GOLGA8A: variants seen among roughly 807,000 people sequenced by gnomAD.
The protein encoded by GOLGA8A is golgin subfamily A member 8A.
In GOLGA8A, 3 loss-of-function variants were observed where a neutral mutation model predicts 22.1. That is an observed-to-expected ratio of 0.14 (90% CI 0.06 to 0.35). The LOEUF (loss-of-function observed/expected upper bound fraction) is 0.35. Among genes scored for constraint, GOLGA8A ranks in the 10% least tolerant of loss-of-function variants. The pLI is 1.00. For missense variants in GOLGA8A, 16 were observed against 233.2 expected (o/e 0.07, Z 6.07); for synonymous variants, 7 against 91.7 (o/e 0.08, Z 5.28).
At chr15:34,427,239 G>C (rs918824906) in intron 2 of GOLGA8A, among the ~76,000 whole-genome samples, 3 of 144,936 alleles carry the variant, frequency 2.1e-5, no homozygotes, top group Non-Finnish European at 4.5e-5. Flanking sequence ...GCTGAGGAAG[G>C]AGAATGGCGT....
rs75980964 is a variant in GOLGA8A, at chr15:34,429,642, T to C, written c.-1123+5741A>G. On this transcript the variant is annotated intron_variant, in intron 2 of 24. Transcript: ENST00000359187. ...TCTCCAGCAACCCCTTCCATGCCCT[T>C]CCTCCTGATCCCACCCAGCTCTAAA... Among the ~76,000 whole-genome samples the C allele has an allele frequency of 3.9e-3, 577 of 148,386 alleles. 13 individuals carry two copies. The highest frequency in any genetic ancestry group is 0.014 in the Middle Eastern group (4 of 288).
rs150654384 is a variant in GOLGA8A, at chr15:34,425,098, A to T, written c.-1123+10285T>A. Among the ~76,000 whole-genome samples, 167 of 142,204 alleles carry T rather than the reference A, an allele frequency of 1.2e-3. 12 individuals carry two copies. The highest frequency in any genetic ancestry group is 4.1e-3 in the African/African-American group (161 of 39,484). The allele number at this position is 142,204 out of a possible 152,430, so 93.3% of individuals were successfully genotyped here. On this transcript the variant is annotated intron_variant, in intron 2 of 24. Transcript: ENST00000359187. ...TAAGACAGTCTCAAAAAATAAATAA[A>T]ATAAATAAAATAAGGCTTATCTATT... is the stretch of plus-strand genomic sequence containing the variant.
intron 2 of GOLGA8A, among the ~76,000 whole-genome samples, chr15:34,429,972 G>A (rs1893156918): frequency 6.8e-6 from 1 of 148,038 alleles, no homozygotes; most frequent in South Asian, 2.2e-4. Flanking sequence ...TTGCCAAAGT[G>A]AGGAGTGGGA....
At chr15:34,400,929 G>GTTT (rs372533500) in intron 5 of GOLGA8A, among the ~76,000 whole-genome samples, 170 bp from the exon 6 acceptor site, 1 of 81,680 alleles carries the variant, frequency 1.2e-5, no homozygotes. Flanking sequence ...TTTTATGTCT[G>GTTT]TTTTTTTCAT....
rs1193918765 is a variant in GOLGA8A at position 34,429,171 on chromosome 15, G to A, written c.-1123+6212C>T. Among the ~76,000 whole-genome samples the A allele has an allele frequency of 6.8e-5, 10 of 147,318 alleles. 1 individual carries two copies. The highest frequency in any genetic ancestry group is 1.0e-4 in the African/African-American group (4 of 39,804). On this transcript the variant is annotated intron_variant, in intron 2 of 24. Transcript: ENST00000359187. ...CACCTCTCAACACGCCCCTGACCGCGTCTTCCTCCCATGCTCTGAACTGTC... is the reference window on the plus strand; with the variant it reads ...CACCTCTCAACACGCCCCTGACCGCATCTTCCTCCCATGCTCTGAACTGTC...
chr15:34,430,698 C>A (rs1893188121), intron 2 of GOLGA8A, among the ~76,000 whole-genome samples: 1 of 149,684 alleles, frequency 6.7e-6, no homozygotes, highest in Admixed American at 6.7e-5. Context: ...ACTGCACTGA[C>A]TGCGTGCTTT....
At chr15:34,423,478 A>C (rs1892861947) in intron 2 of GOLGA8A, among the ~76,000 whole-genome samples, 2 of 146,728 alleles carry the variant, frequency 1.4e-5, no homozygotes, top group African/African-American at 2.5e-5. Context: ...GATGGAAACT[A>C]GTGTAAAAAG....
chr15:34,404,786 CAT>C (rs1300478051), intron 5 of GOLGA8A, 129 bp downstream of exon 5: 1 of 163,020 alleles, frequency 6.1e-6, no homozygotes, highest in African/African-American at 2.6e-5. Context: ...AACCAATAAA[CAT>C]GTGACTGAAT....
chr15:34,420,580 T>A (rs1362867983), intron 2 of GOLGA8A, among the ~76,000 whole-genome samples: 2 of 131,300 alleles, frequency 1.5e-5, no homozygotes, highest in Non-Finnish European at 1.6e-5. Context: ...AATAGTAAAA[T>A]TTTTAACAGA....
In GOLGA8A at chr15:34,386,574, C is replaced by T. The variant is rs368023763; in HGVS notation, c.285+51G>A. On this transcript the variant is annotated intron_variant, in intron 12 of 24. Coordinates refer to ENST00000359187, the MANE Select transcript of GOLGA8A (RefSeq NM_181077.5). ...CTTCTTCAGGGCCCCAAGAGGAAAC[C>T]GGAGCCCAGGATTGGCAGCGTGGAA... 4.1e-5 allele frequency: 57 copies of T among 1,384,450 alleles called. 5 individuals are homozygous for T. The African/African-American group carries it at 5.1e-4, about 12-fold the overall frequency. The allele number at this position is 1,384,450 out of a possible 1,614,324, so 85.8% of individuals were successfully genotyped here. A position where few individuals can be genotyped will look rare whatever the true frequency, so the allele number is the denominator to read the frequency against.
chr15:34,381,296 A>G lies in GOLGA8A; in HGVS notation c.*115T>C. Reference sequence around the variant, plus strand: ...TAAACTATAAATTAGAAACACAAATAATCATGAGTAGCTCTAACATTCAAA... The same window carrying G: ...TAAACTATAAATTAGAAACACAAATGATCATGAGTAGCTCTAACATTCAAA... On this transcript the variant is annotated 3_prime_UTR_variant, in exon 25 of 25. Transcript: ENST00000359187. 1 of 1,034,702 alleles carries G rather than the reference A, an allele frequency of 9.7e-7. No homozygotes were observed. The highest frequency in any genetic ancestry group is 2.6e-5 in the East Asian group (1 of 38,774). 64.1% of individuals were successfully genotyped at this position (1,034,702 alleles called of 1,614,324 possible).
Position 34,381,291 on chromosome 15 carries a change from C to T in GOLGA8A, c.*120G>A, listed in dbSNP as rs1891476819. 2 of 1,063,770 alleles carry T rather than the reference C, an allele frequency of 1.9e-6. No individual in the cohort carries two copies. Among genetic ancestry groups the T allele is most frequent in the Non-Finnish European group, 2.8e-6 (2 of 717,004 alleles). 65.9% of individuals were successfully genotyped at this position (1,063,770 alleles called of 1,614,324 possible). On this transcript the variant is annotated 3_prime_UTR_variant, in exon 25 of 25. Coordinates refer to ENST00000359187, the MANE Select transcript of GOLGA8A (RefSeq NM_181077.5). ...AAACTTAAACTATAAATTAGAAACA[C>T]AAATAATCATGAGTAGCTCTAACAT...
At chr15:34,424,591 C>A (rs1435908756) in intron 2 of GOLGA8A, among the ~76,000 whole-genome samples, 1 of 137,736 alleles carries the variant, frequency 7.3e-6, no homozygotes, top group Non-Finnish European at 1.6e-5. Context: ...CCAGTGACAA[C>A]AGCAGCAGAA....
chr15:34,431,343 A>ATCTCTCTCTCTCTC (rs1566914036), intron 2 of GOLGA8A, among the ~76,000 whole-genome samples: 1 of 119,308 alleles, frequency 8.4e-6, no homozygotes, highest in African/African-American at 3.2e-5. Flanking sequence ...ATATATATAT[A>ATCTCTCTCTCTCTC]TATCTCACAC....
intron 2 of GOLGA8A, among the ~76,000 whole-genome samples, chr15:34,424,930 C>A (rs1263356289): frequency 7.1e-6 from 1 of 140,788 alleles, no homozygotes; most frequent in Non-Finnish European, 1.5e-5. Flanking sequence ...AAAAACCCCA[C>A]CTCTACAAAA....
chr15:34,427,429 A>G (rs1292376623), intron 2 of GOLGA8A, among the ~76,000 whole-genome samples: 2 of 148,988 alleles, frequency 1.3e-5, no homozygotes, highest in Non-Finnish European at 3.0e-5. Flanking sequence ...AACTTGCTTT[A>G]AAGTCCAATT....
At chr15:34,433,044 G>C (rs180977) in intron 2 of GOLGA8A, among the ~76,000 whole-genome samples, 2 of 148,870 alleles carry the variant, frequency 1.3e-5, no homozygotes. Context: ...CTGGTCCTGG[G>C]CCCCAGGGAT....
At chr15:34,420,892 G>C (rs997496393) in intron 2 of GOLGA8A, among the ~76,000 whole-genome samples, 1 of 129,098 alleles carries the variant, frequency 7.7e-6, no homozygotes, top group African/African-American at 3.0e-5. Context: ...ATGATCCTGA[G>C]GTTGATCAAT....
In GOLGA8A at chr15:34,380,953, A is replaced by G. The variant is rs16973707; in HGVS notation, c.*458T>C. 8.1e-3 allele frequency: 2,608 copies of G among 320,162 alleles called. 49 individuals are homozygous for G. The highest frequency in any genetic ancestry group is 0.044 in the African/African-American group (1,987 of 45,546). The allele number at this position is 320,162 out of a possible 1,614,324, so 19.8% of individuals were successfully genotyped here. ...GAGGGCAAACCGCATATTGAGCTAT[A>G]GAAGAGCTCACTGTGATTAAGATGA... On this transcript the variant is annotated 3_prime_UTR_variant, in exon 25 of 25. Transcript: ENST00000359187.
Sources: gnomAD v4.1 joint callset for allele counts (sites outside exome capture counted in the v4.1 genomes callset) on GRCh38, gnomAD v4.1.1 for gene constraint, MANE v1.5 for transcripts, NCBI Gene and HGNC (gene_info 2026-07-23, HGNC 2026-07-21) for gene names.